SYNE2: variants seen among roughly 807,000 people sequenced by gnomAD.
The protein encoded by SYNE2 is spectrin repeat containing nuclear envelope protein 2.
Under a neutral mutation model 856.3 loss-of-function variants are expected in SYNE2, and 431 were observed. The ratio of observed to expected loss-of-function variants is 0.50; its 90% CI spans 0.47 to 0.55. The LOEUF (loss-of-function observed/expected upper bound fraction) is 0.55. SYNE2 is among the 20% of genes least tolerant of loss of function. The pLI is 0.00. For synonymous variants in SYNE2, 2,923 were observed against 2,872.3 expected, an observed-to-expected ratio of 1.02 and a Z score of -0.56; for missense variants, 8,129 against 8,023.2, an observed-to-expected ratio of 1.01 and a Z score of -0.50.
At chr14:63,918,695 G>T (rs941551598) in intron 2 of SYNE2, among the ~76,000 whole-genome samples, 3 of 152,178 alleles carry the variant, frequency 2.0e-5, no homozygotes, top group Non-Finnish European at 4.4e-5. Flanking sequence ...AGCATTCACT[G>T]GTCGGGCACT....
At chr14:63,876,135 G>A (rs996388514) in intron 1 of SYNE2, among the ~76,000 whole-genome samples, 3 of 152,036 alleles carry the variant, frequency 2.0e-5, no homozygotes, top group Non-Finnish European at 4.4e-5. Context: ...TTAATCGGCT[G>A]GACGTGGTGG....
chr14:64,098,708 G>A (rs1381386571), intron 62 of SYNE2, 39 bp from the exon 63 acceptor site: 4 of 1,605,348 alleles, frequency 2.5e-6, no homozygotes, highest in Admixed American at 1.7e-5. Context: ...ATGTTGACTG[G>A]CAAGCAGACT....
rs942539934 is a variant in SYNE2 at position 64,203,841 on chromosome 14, T to C, written c.18201+878T>C. ...ATACCACAGGTGCTTGGAGACCGGA[T>C]TGGGGGTGAACCTTTTTCACCAGAT... On this transcript the variant is annotated intron_variant, in intron 100 of 115. Coordinates refer to ENST00000555002, the MANE Select transcript of SYNE2 (RefSeq NM_182914.3). Among the ~76,000 whole-genome samples the C allele has an allele frequency of 3.9e-5, 6 of 152,172 alleles. No homozygotes were observed. The South Asian group carries it at 6.2e-4, about 16-fold the overall frequency.
chr14:64,141,867 A>G (rs749110775), intron 81 of SYNE2, 75 bp from the exon 82 acceptor site: 5 of 1,559,992 alleles, frequency 3.2e-6, no homozygotes, highest in Non-Finnish European at 3.5e-6. Context: ...ATCAAACCAG[A>G]TATCATCTTT....
chr14:64,140,170 G>A, intron 80 of SYNE2, 97 bp downstream of exon 80: 2 of 1,258,094 alleles, frequency 1.6e-6, no homozygotes, highest in Non-Finnish European at 2.3e-6. Flanking sequence ...GTATTTATTT[G>A]TGGATAAGGG....
intron 1 of SYNE2, among the ~76,000 whole-genome samples, chr14:63,887,334 T>G (rs2095016500): frequency 6.6e-6 from 1 of 152,174 alleles, no homozygotes; most frequent in Non-Finnish European, 1.5e-5. Flanking sequence ...ATAATAATCA[T>G]TTGGAGAAAG....
rs546057213 is a variant in SYNE2, at chr14:64,101,814, G to T, written c.12382-118G>T. 9.5e-5 allele frequency: 70 copies of T among 740,076 alleles called. 1 individual carries two copies. In the South Asian group the frequency reaches 9.9e-4, roughly 10 times the overall value. The allele number at this position is 740,076 out of a possible 1,614,324, so 45.8% of individuals were successfully genotyped here. On this transcript the variant is annotated intron_variant, in intron 63 of 115. Transcript: ENST00000555002. ...AAATGGGGGAGGACTGCAATAAAGG[G>T]CTGTGGTTACACTGCCTGATAAGTT...
At chr14:64,050,665 A>C (rs2097218751) in intron 47 of SYNE2, among the ~76,000 whole-genome samples, 1 of 152,164 alleles carries the variant, frequency 6.6e-6, no homozygotes, top group African/African-American at 2.4e-5. Context: ...TGGCTTTGAA[A>C]ATGATGGCAA....
At chr14:64,127,918 A>G (rs1277226065) in intron 73 of SYNE2, among the ~76,000 whole-genome samples, 1 of 152,222 alleles carries the variant, frequency 6.6e-6, no homozygotes, top group East Asian at 1.9e-4. Context: ...ACATACACAC[A>G]TTCAAGAAAC....
chr14:63,975,670 A>G (rs1287766032), intron 11 of SYNE2, among the ~76,000 whole-genome samples: 1 of 152,040 alleles, frequency 6.6e-6, no homozygotes, highest in African/African-American at 2.4e-5. Context: ...CCTTCAGATT[A>G]TATGTTGTTT....
Position 64,141,442 on chromosome 14 carries a change from G to T in SYNE2, c.15078G>T (p.Leu5026=). The T allele has an allele frequency of 6.2e-7, 1 of 1,614,086 alleles. No homozygotes were observed. The highest frequency in any genetic ancestry group is 1.1e-5 in the South Asian group (1 of 91,076). ...LHLKETDTAT[L]RASLAQFEQK... ...TGAAAGAAACTGATACAGCTACACT[G>T]AGAGCTTCTTTAGCACAGTTTGAAC... Residue 5026 remains leucine, a synonymous_variant, in exon 81 of 116, where the codon CTG becomes CTT. Transcript: ENST00000555002.
At chr14:64,170,583 G>A in intron 94 of SYNE2, 121 bp downstream of exon 94, 1 of 1,063,368 alleles carries the variant, frequency 9.4e-7, no homozygotes, top group Non-Finnish European at 1.4e-6. Flanking sequence ...TCTGCAGTGT[G>A]AGGCCAGCAA....
At position 64,214,386 on chromosome 14, in the gene SYNE2, C is replaced by G; in HGVS notation, c.19249C>G (p.Leu6417Val). The change falls in exon 106 of 116, where the codon CTG becomes GTG. Residue 6417 changes from leucine to valine, a missense_variant. By Grantham distance (32) the Leu-to-Val change is conservative. Transcript: ENST00000555002. ...CCCTGTCAGCGTGGACTCCATCCCC[C>G]TGGAGTGGGACCACACAGGCGACGT... ...ETPVSVDSIP[L>V]EWDHTGDVGG... 1 of 1,614,152 alleles carries G rather than the reference C, an allele frequency of 6.2e-7. No individual in the cohort carries two copies. The highest frequency in any genetic ancestry group is 8.5e-7 in the Non-Finnish European group (1 of 1,180,028).
chr14:63,836,485 TATC>T (rs1189944474), intron 1 of SYNE2, among the ~76,000 whole-genome samples: 1 of 152,244 alleles, frequency 6.6e-6, no homozygotes, highest in Non-Finnish European at 1.5e-5. Flanking sequence ...GTTTTTGTAA[TATC>T]ATTATGCCAA....
intron 1 of SYNE2, among the ~76,000 whole-genome samples, chr14:63,884,455 C>T (rs112341285): frequency 0.032 from 4,816 of 152,076 alleles, 273 homozygotes; most frequent in African/African-American, 0.11. Flanking sequence ...AAGAAGAAAG[C>T]GGTACTGTAA....
At chr14:63,932,207 C>A (rs2095766330) in intron 2 of SYNE2, among the ~76,000 whole-genome samples, 1 of 151,842 alleles carries the variant, frequency 6.6e-6, no homozygotes, top group African/African-American at 2.4e-5. Context: ...GTAGTGAAAC[C>A]CCCGTCTCTA....
intron 57 of SYNE2, among the ~76,000 whole-genome samples, chr14:64,082,577 A>G (rs548502231): frequency 6.6e-6 from 1 of 152,284 alleles, no homozygotes; most frequent in East Asian, 1.9e-4. Flanking sequence ...CAGGGAACCC[A>G]GTCCTACAGC....
rs746332789 is a variant in SYNE2, at chr14:63,940,680, G to A, written c.141+5G>A. On this transcript the variant is annotated splice_donor_5th_base_variant and intron_variant, in intron 3 of 115. Transcript: ENST00000555002. ...ATAAACTCACAGTTGGCCAGGGTAA[G>A]CAAATGAAGACCAAATTAGTTTATA... 3 of 1,613,794 alleles carry A rather than the reference G, an allele frequency of 1.9e-6. No homozygotes were observed. Among genetic ancestry groups the A allele is most frequent in the Admixed American group, 1.7e-5 (1 of 59,992 alleles).
At chr14:64,044,550 C>A (rs1193308386) in intron 45 of SYNE2, among the ~76,000 whole-genome samples, 1 of 152,080 alleles carries the variant, frequency 6.6e-6, no homozygotes, top group East Asian at 1.9e-4. Context: ...TTGGAGGGGC[C>A]AGATGCAAAA....
Sources: allele counts gnomAD v4.1 joint callset (sites outside exome capture counted in the v4.1 genomes callset), GRCh38; gene constraint gnomAD v4.1.1; transcripts MANE v1.5; gene names NCBI Gene and HGNC (gene_info 2026-07-23, HGNC 2026-07-21).